Variants in HMCN2 observed in about 807,000 individuals in gnomAD.
The protein encoded by HMCN2 is hemicentin 2, also known as hemicentin-2.
A neutral mutation model predicts 377.5 loss-of-function variants in HMCN2; 325 were observed. That is an observed-to-expected ratio of 0.86 (90% confidence interval 0.79 to 0.94). The LOEUF (loss-of-function observed/expected upper bound fraction) is 0.94. HMCN2 is among the 40% of genes least tolerant of loss of function. The probability of loss-of-function intolerance (pLI) is 0.00; values close to 1 mark genes in which losing one functional copy is unlikely to be tolerated. For synonymous variants in HMCN2, 2,007 were observed against 2,046.8 expected (o/e 0.98, Z 0.53); for missense variants, 4,543 against 4,725.3 (o/e 0.96, Z 1.13).
intron 43 of HMCN2, 44 bp downstream of exon 43, chr9:130,366,039 C>A (rs1308967794): frequency 1.3e-5 from 13 of 985,742 alleles, no homozygotes; most frequent in African/African-American, 1.7e-5. Context: ...TTGCCAGGCA[C>A]AAGGAGGCTA....
chr9:130,309,390 C>G (rs1403612746), intron 14 of HMCN2, among the ~76,000 whole-genome samples: 1 of 151,770 alleles, frequency 6.6e-6, no homozygotes, highest in Admixed American at 6.6e-5. Flanking sequence ...TGGTGTGTGC[C>G]TATAATCCCA....
At chr9:130,342,051 AT>A (rs1839084056) in intron 24 of HMCN2, among the ~76,000 whole-genome samples, 2 of 150,788 alleles carry the variant, frequency 1.3e-5, no homozygotes, top group African/African-American at 4.9e-5. Flanking sequence ...AAATAAATAA[AT>A]AAATAAATAA....
At chr9:130,284,384 T>C (rs1397117600) in intron 1 of HMCN2, among the ~76,000 whole-genome samples, 2 of 152,178 alleles carry the variant, frequency 1.3e-5, no homozygotes, top group East Asian at 3.9e-4. Context: ...TCCCTGGAGC[T>C]CGGGTCCTGC....
rs541959722 is a variant in HMCN2, at chr9:130,412,777, G to T, written c.12961+2125G>T. Among the ~76,000 whole-genome samples the T allele has an allele frequency of 7.9e-5, 12 of 151,946 alleles. No homozygotes were observed. The South Asian group carries it at 2.5e-3, about 32-fold the overall frequency. On this transcript the variant is annotated intron_variant, in intron 85 of 97. Transcript: ENST00000683500. Reference sequence around the variant, plus strand: ...ATTTTAGTAGAGACGAGGTTTCGTCGTGTTGCCCAGGCTGGTCTCGAACTC... The same window carrying T: ...ATTTTAGTAGAGACGAGGTTTCGTCTTGTTGCCCAGGCTGGTCTCGAACTC...
Position 130,383,499 on chromosome 9 carries a change from C to T in HMCN2, c.8734-5C>T, listed in dbSNP as rs138596954. ...TCTCCCAGGCATGGCTCCCTGCACCCACAGGTTTCCACGGCAGAGGTGGCC... is the reference window on the plus strand; with the variant it reads ...TCTCCCAGGCATGGCTCCCTGCACCTACAGGTTTCCACGGCAGAGGTGGCC... On this transcript the variant is annotated splice_polypyrimidine_tract_variant and splice_region_variant and intron_variant, in intron 56 of 97. Transcript: ENST00000683500. 1 of 985,924 alleles carries T rather than the reference C, an allele frequency of 1.0e-6. No homozygotes were observed. Among genetic ancestry groups the T allele is most frequent in the Non-Finnish European group, 1.2e-6 (1 of 829,968 alleles). The allele number at this position is 985,924 out of a possible 1,614,324, so 61.1% of individuals were successfully genotyped here.
At chr9:130,282,426 A>T (rs915174642) in intron 1 of HMCN2, among the ~76,000 whole-genome samples, 54 of 152,204 alleles carry the variant, frequency 3.5e-4, no homozygotes, top group Non-Finnish European at 1.3e-4. Context: ...CCCAAAAAGG[A>T]TAAAGGAAGG....
intron 43 of HMCN2, among the ~76,000 whole-genome samples, chr9:130,367,963 A>C (rs1432574666): frequency 6.9e-6 from 1 of 145,722 alleles, no homozygotes. Flanking sequence ...AAAAAAAAAA[A>C]GGGATCCCAG....
At chr9:130,366,578 T>C (rs1840701054) in intron 43 of HMCN2, among the ~76,000 whole-genome samples, 1 of 145,944 alleles carries the variant, frequency 6.9e-6, no homozygotes, top group South Asian at 2.2e-4. Context: ...CTCAGCCTCC[T>C]GAGTAGCTGG....
chr9:130,432,929 C>G (rs1209039842), intron 97 of HMCN2: 1 of 360,746 alleles, frequency 2.8e-6, no homozygotes, highest in East Asian at 5.5e-5. Context: ...GGGTGACCTG[C>G]CCCAGGCCTT....
At chr9:130,283,668 A>G (rs1835261461) in intron 1 of HMCN2, among the ~76,000 whole-genome samples, 1 of 152,024 alleles carries the variant, frequency 6.6e-6, no homozygotes, top group African/African-American at 2.4e-5. Context: ...CTTACTATAA[A>G]TGGAACCATA....
chr9:130,269,176 G>A (rs1486686616), intron 1 of HMCN2, among the ~76,000 whole-genome samples: 5 of 147,602 alleles, frequency 3.4e-5, no homozygotes, highest in African/African-American at 9.8e-5. Context: ...TCCGTGCTTC[G>A]GAAATTTTAC....
intron 12 of HMCN2, among the ~76,000 whole-genome samples, chr9:130,306,501 G>T (rs577708136): frequency 6.6e-6 from 1 of 150,772 alleles, no homozygotes; most frequent in African/African-American, 2.4e-5. Context: ...CCCAAATCCC[G>T]CCCCCACCAT....
At position 130,308,150 on chromosome 9, in the gene HMCN2, T is replaced by G. The variant is rs2131357640; in HGVS notation, c.2200+584T>G. On this transcript the variant is annotated intron_variant, in intron 14 of 97. Transcript: ENST00000683500. This position sits in a 1 kb window ranked among gnomAD's most constrained non-coding sequence, Gnocchi z 4.1. The stretch of plus-strand genomic sequence containing the variant: ...TTTTGTATTTTTAGTAGAGATGGGG[T>G]TTTACCATGTTGGACAGGCTAGTCT... Among the ~76,000 whole-genome samples the G allele has an allele frequency of 6.6e-6, 1 of 151,982 alleles. No homozygotes were observed. Among genetic ancestry groups the G allele is most frequent in the African/African-American group, 2.4e-5 (1 of 41,428 alleles).
chr9:130,428,813 C>T lies in HMCN2; in HGVS notation c.14197+324C>T. 6.6e-6 allele frequency among the ~76,000 whole-genome samples: 1 copy of T among 152,186 alleles called. No homozygotes were observed. The highest frequency in any genetic ancestry group is 1.9e-4 in the East Asian group (1 of 5,192). ...CCTCTGCTGCCATCCGTTCTGTTCC[C>T]CCATATGAATCAAGGCCCAGCTAGA... is the stretch of plus-strand genomic sequence containing the variant. On this transcript the variant is annotated intron_variant, in intron 93 of 97. Transcript: ENST00000683500. The surrounding 1 kb of genome is among the most constrained non-coding windows in gnomAD (Gnocchi z 5.0).
intron 85 of HMCN2, among the ~76,000 whole-genome samples, chr9:130,416,878 C>T (rs545505634): frequency 3.3e-5 from 5 of 151,072 alleles, no homozygotes; most frequent in South Asian, 2.1e-4. Flanking sequence ...CACATTATCT[C>T]GGAGGCCCCT....
At chr9:130,282,470 AG>A (rs1835173097) in intron 1 of HMCN2, among the ~76,000 whole-genome samples, 1 of 152,356 alleles carries the variant, frequency 6.6e-6, no homozygotes, top group African/African-American at 2.4e-5. Flanking sequence ...TCCAAGGCTG[AG>A]GACTGAGCTG....
intron 57 of HMCN2, among the ~76,000 whole-genome samples, chr9:130,383,973 T>A (rs191442211): frequency 6.6e-6 from 1 of 151,534 alleles, no homozygotes; most frequent in African/African-American, 2.4e-5. Context: ...AGGAGTGGGA[T>A]TGGGGGGGTC....
intron 61 of HMCN2, among the ~76,000 whole-genome samples, chr9:130,388,203 T>C (rs1842118784): frequency 6.6e-6 from 1 of 152,150 alleles, no homozygotes; most frequent in African/African-American, 2.4e-5. Context: ...CCATTTACCA[T>C]CCTTGGGCTA....
intron 1 of HMCN2, among the ~76,000 whole-genome samples, chr9:130,274,847 A>G (rs1554922460): frequency 6.6e-6 from 1 of 152,192 alleles, no homozygotes; most frequent in African/African-American, 2.4e-5. Context: ...ACTCTATAAG[A>G]TGCCATTGGA....
Sources: allele counts gnomAD v4.1 joint callset (sites outside exome capture counted in the v4.1 genomes callset), GRCh38; gene constraint gnomAD v4.1.1; non-coding constraint Gnocchi (gnomAD v3.1); transcripts MANE v1.5; gene names NCBI Gene and HGNC (gene_info 2026-07-23, HGNC 2026-07-21).